Variants in UNC13C observed in about 807,000 individuals in gnomAD.
UNC13C encodes the protein protein unc-13 homolog C.
In UNC13C, 174 loss-of-function variants were observed where a neutral mutation model predicts 245.4. The observed-to-expected ratio is 0.71, with a 90% CI of 0.63 to 0.80. The LOEUF (loss-of-function observed/expected upper bound fraction) is 0.80. Among genes scored for constraint, UNC13C ranks in the 30% least tolerant of loss-of-function variants. The pLI is 0.00. For synonymous variants in UNC13C, 992 were observed against 895.1 expected, an observed-to-expected ratio of 1.11 and a Z score of -1.93; for missense variants, 2,829 against 2,602.9, an observed-to-expected ratio of 1.09 and a Z score of -1.89.
At chr15:54,163,989 G>C (rs1026070180) in intron 4 of UNC13C, among the ~76,000 whole-genome samples, 3 of 152,112 alleles carry the variant, frequency 2.0e-5, no homozygotes, top group South Asian at 2.1e-4. Context: ...CATTTGGTAT[G>C]GTGGGAGTTT....
chr15:54,042,619 T>C (rs935812819), intron 2 of UNC13C, among the ~76,000 whole-genome samples: 3 of 152,054 alleles, frequency 2.0e-5, no homozygotes, highest in South Asian at 2.1e-4. Context: ...TTTGGGAGGC[T>C]GAGGCGGGCG....
chr15:53,979,082 T>C (rs1455524825), intron 1 of UNC13C, among the ~76,000 whole-genome samples, 155 bp downstream of exon 1: 1 of 152,158 alleles, frequency 6.6e-6, no homozygotes, highest in African/African-American at 2.4e-5. Context: ...CTCTCCTGTT[T>C]TTATAATGTA....
At chr15:53,880,757 TA>T in the UNC13C span, among the ~76,000 whole-genome samples, 4 of 151,866 alleles carry the variant, frequency 2.6e-5, no homozygotes, top group Non-Finnish European at 4.4e-5. Flanking sequence ...TTGTTCTGCT[TA>T]AAATATTGCA....
At chr15:54,494,337 T>A (rs1893856726) in intron 19 of UNC13C, among the ~76,000 whole-genome samples, 1 of 152,164 alleles carries the variant, frequency 6.6e-6, no homozygotes. Flanking sequence ...GTTATTACTC[T>A]GTAACTACAT....
intron 1 of UNC13C, among the ~76,000 whole-genome samples, chr15:54,003,390 C>T (rs966792725): frequency 1.3e-5 from 2 of 152,182 alleles, no homozygotes; most frequent in African/African-American, 2.4e-5. Flanking sequence ...TGCTTATCAT[C>T]ATGTAGCTGG....
At chr15:54,339,883 T>C (rs920570466) in intron 17 of UNC13C, among the ~76,000 whole-genome samples, 5 of 152,166 alleles carry the variant, frequency 3.3e-5, no homozygotes, top group African/African-American at 1.2e-4. Context: ...TCCAAAGTGG[T>C]TGTGCTAGTT....
At chr15:54,012,134 C>T (rs1895407473) in intron 1 of UNC13C, among the ~76,000 whole-genome samples, 1 of 152,054 alleles carries the variant, frequency 6.6e-6, no homozygotes, top group Non-Finnish European at 1.5e-5. Flanking sequence ...AGAAACTAGT[C>T]ATCATAGAGA....
chr15:54,415,716 G>T (rs2040504366), intron 19 of UNC13C, among the ~76,000 whole-genome samples: 1 of 152,148 alleles, frequency 6.6e-6, no homozygotes, highest in Admixed American at 6.6e-5. Context: ...GATACTAAAT[G>T]ACCATTGGTG....
the UNC13C span, among the ~76,000 whole-genome samples, chr15:53,865,894 A>G: frequency 6.6e-6 from 1 of 152,182 alleles, no homozygotes; most frequent in Non-Finnish European, 1.5e-5. Context: ...AATTGATTAC[A>G]TATCAAGCCA....
At chr15:54,169,014 A>G (rs2033287036) in intron 4 of UNC13C, among the ~76,000 whole-genome samples, 1 of 152,216 alleles carries the variant, frequency 6.6e-6, no homozygotes, top group African/African-American at 2.4e-5. Context: ...CAGTTGGACA[A>G]GTGTAATAGA....
chr15:54,181,670 A>G (rs937728752), intron 4 of UNC13C, among the ~76,000 whole-genome samples: 3 of 151,908 alleles, frequency 2.0e-5, no homozygotes, highest in Non-Finnish European at 2.9e-5. Flanking sequence ...GATTCTTCCA[A>G]TGTATAGAGC....
chr15:54,626,744 A>G, intron 32 of UNC13C, 84 bp from the exon 33 acceptor site: 2 of 1,176,258 alleles, frequency 1.7e-6, no homozygotes, highest in Non-Finnish European at 2.4e-6. Context: ...CAATGTATAC[A>G]GTTTTCAGCA....
At chr15:54,451,908 C>T (rs1281979578) in intron 19 of UNC13C, among the ~76,000 whole-genome samples, 1 of 152,080 alleles carries the variant, frequency 6.6e-6, no homozygotes, top group African/African-American at 2.4e-5. Flanking sequence ...TTTGGATTTG[C>T]TTTCATAGGG....
At chr15:54,345,529 T>G (rs1191591495) in intron 17 of UNC13C, among the ~76,000 whole-genome samples, 2 of 152,210 alleles carry the variant, frequency 1.3e-5, no homozygotes, top group Non-Finnish European at 2.9e-5. Context: ...GCAGATGGCA[T>G]AGCTACCAGG....
chr15:54,060,260 C>G (rs1242602680), intron 2 of UNC13C, among the ~76,000 whole-genome samples: 6 of 151,992 alleles, frequency 3.9e-5, no homozygotes, highest in Admixed American at 2.6e-4. Context: ...TGAACTCAAA[C>G]AAATTTAGAA....
Position 54,626,897 on chromosome 15 carries a change from C to A in UNC13C, c.6429C>A (p.Ala2143=). ...TCTCAGTTAAGGATTACTGCTTTGC[C>A]AGAGAAGATCGAATTATCGGAATGA... ...LHLSVKDYCF[A]REDRIIGMTV... is the part of the protein sequence containing the mutation. Residue 2143 remains alanine, a synonymous_variant, in exon 33 of 33, where the codon GCC becomes GCA. Transcript: ENST00000260323. 1.2e-6 allele frequency: 2 copies of A among 1,613,278 alleles called. No homozygotes were observed. The highest frequency in any genetic ancestry group is 2.7e-5 in the African/African-American group (2 of 74,988).
intron 26 of UNC13C, among the ~76,000 whole-genome samples, chr15:54,543,521 G>C (rs1896340854): frequency 1.3e-5 from 2 of 151,798 alleles, no homozygotes; most frequent in Non-Finnish European, 2.9e-5. Flanking sequence ...TTTTTGAAAA[G>C]ATTAATAAAA....
intron 19 of UNC13C, among the ~76,000 whole-genome samples, chr15:54,468,137 C>G (rs562192822): frequency 6.6e-6 from 1 of 151,724 alleles, no homozygotes; most frequent in East Asian, 1.9e-4. Context: ...TATATTATAT[C>G]TTTTTGATTA....
In UNC13C at chr15:54,617,798, C is replaced by T. The variant is rs151040473; in HGVS notation, c.6107-4529C>T. 9.4e-3 allele frequency among the ~76,000 whole-genome samples: 1,433 copies of T among 152,156 alleles called. 22 individuals are homozygous for T. The highest frequency in any genetic ancestry group is 0.034 in the African/African-American group (1,392 of 41,534). On this transcript the variant is annotated intron_variant, in intron 30 of 32. Transcript: ENST00000260323. ...TACAGAACTGAATGTGGAGGTAGGTCATTCCAATCCAGAGTCCTGGACCTG... is the reference window on the plus strand; with the variant it reads ...TACAGAACTGAATGTGGAGGTAGGTTATTCCAATCCAGAGTCCTGGACCTG...
Sources: allele counts gnomAD v4.1 joint callset (sites outside exome capture counted in the v4.1 genomes callset), GRCh38; gene constraint gnomAD v4.1.1; transcripts MANE v1.5; gene names NCBI Gene and HGNC (gene_info 2026-07-23, HGNC 2026-07-21).